SYTL2: variants seen among roughly 807,000 people sequenced by gnomAD.
SYTL2 encodes synaptotagmin like 2.
Under a neutral mutation model 198.7 loss-of-function variants are expected in SYTL2, and 165 were observed. The observed-to-expected ratio is 0.83, with a 90% confidence interval of 0.73 to 0.94. The LOEUF (loss-of-function observed/expected upper bound fraction) is 0.94. SYTL2 is among the 40% of genes least tolerant of loss of function. The pLI is 0.00. For missense variants in SYTL2, 2,835 were observed against 2,582.8 expected, an observed-to-expected ratio of 1.10 and a Z score of -2.12; for synonymous variants, 966 against 917.7, an observed-to-expected ratio of 1.05 and a Z score of -0.95.
intron 2 of SYTL2, among the ~76,000 whole-genome samples, chr11:85,756,251 C>T (rs2091858607): frequency 6.6e-6 from 1 of 152,206 alleles, no homozygotes; most frequent in Admixed American, 6.5e-5. Flanking sequence ...CTGTTTAAGG[C>T]ACACCATTTG....
Position 85,696,206 on chromosome 11 carries a change from C to T in SYTL2, c.6551G>A (p.Gly2184Asp). Residue 2184 changes from glycine to aspartate, a missense_variant, in exon 19 of 20, where the codon GGT becomes GAT. By Grantham distance (94) the Gly-to-Asp change is moderately conservative (BLOSUM62 -1). Coordinates refer to ENST00000359152, the MANE Select transcript of SYTL2 (RefSeq NM_206927.4). ...HYKLTNQFLGGLRIGFGTGKS... is the reference protein window; with the variant it reads ...HYKLTNQFLGDLRIGFGTGKS... ...ACCTGTTCCAAAGCCAATACGAAGACCTCCCAAAAATTGGTTGGTTAATTT... is the reference window on the plus strand; with the variant it reads ...ACCTGTTCCAAAGCCAATACGAAGATCTCCCAAAAATTGGTTGGTTAATTT... 6.2e-7 allele frequency: 1 copy of T among 1,614,108 alleles called. No homozygotes were observed. The highest frequency in any genetic ancestry group is 1.1e-5 in the South Asian group (1 of 91,082).
chr11:85,696,727 A>G (rs926356773), intron 18 of SYTL2, among the ~76,000 whole-genome samples: 1 of 152,236 alleles, frequency 6.6e-6, no homozygotes, highest in Admixed American at 6.5e-5. Flanking sequence ...TTAGAATTAA[A>G]TAACATATGC....
At chr11:85,800,528 C>G (rs1036701329) in intron 1 of SYTL2, among the ~76,000 whole-genome samples, 5 of 152,128 alleles carry the variant, frequency 3.3e-5, no homozygotes, top group African/African-American at 9.7e-5. Flanking sequence ...ATCCTCCCAC[C>G]TCAGCCTCCC....
the SYTL2 span, among the ~76,000 whole-genome samples, chr11:85,847,192 G>GT: frequency 2.0e-5 from 3 of 152,090 alleles, no homozygotes; most frequent in African/African-American, 7.2e-5. Flanking sequence ...ATTCCGGCAA[G>GT]TACTCTCCTG....
the SYTL2 span, among the ~76,000 whole-genome samples, chr11:85,817,997 G>A: frequency 1.4e-5 from 2 of 145,722 alleles, no homozygotes; most frequent in Non-Finnish European, 1.5e-5. Flanking sequence ...TCTACCTCCC[G>A]GATTCAGCGA....
At chr11:85,702,591 G>C (rs2084504226) in intron 16 of SYTL2, among the ~76,000 whole-genome samples, 1 of 152,176 alleles carries the variant, frequency 6.6e-6, no homozygotes, top group Non-Finnish European at 1.5e-5. Flanking sequence ...CCTTAGCCTA[G>C]GAATATAAGC....
intron 12 of SYTL2, among the ~76,000 whole-genome samples, chr11:85,712,378 T>G (rs978461494): frequency 3.3e-5 from 5 of 152,166 alleles, no homozygotes; most frequent in Admixed American, 3.3e-4. Context: ...CATTAGTGAA[T>G]TATTGGAAGG....
intron 6 of SYTL2, among the ~76,000 whole-genome samples, chr11:85,735,848 A>G (rs1591814553): frequency 6.6e-6 from 1 of 152,154 alleles, no homozygotes; most frequent in Non-Finnish European, 1.5e-5. Flanking sequence ...AAACGTGCCC[A>G]GTGGAAAGTA....
At chr11:85,792,510 C>G (rs1410628208) in intron 1 of SYTL2, among the ~76,000 whole-genome samples, 2 of 152,018 alleles carry the variant, frequency 1.3e-5, no homozygotes, top group Non-Finnish European at 1.5e-5. Context: ...TTCAAACAAG[C>G]ACTCCTTGGA....
chr11:85,851,427 T>A, the SYTL2 span, among the ~76,000 whole-genome samples: 2 of 152,244 alleles, frequency 1.3e-5, no homozygotes, highest in East Asian at 3.8e-4. Flanking sequence ...AATAAGACCC[T>A]GCAGTTGTTT....
chr11:85,750,050 GCTT>G (rs2091421749), intron 2 of SYTL2, among the ~76,000 whole-genome samples: 1 of 152,126 alleles, frequency 6.6e-6, no homozygotes, highest in South Asian at 2.1e-4. Flanking sequence ...AGCAGGCTCA[GCTT>G]CTTACAATTC....
chr11:85,759,185 G>A (rs1384714299), intron 1 of SYTL2, among the ~76,000 whole-genome samples: 1 of 150,756 alleles, frequency 6.6e-6, no homozygotes. Context: ...GGCGGAGGTT[G>A]CAGTGAGCCG....
At chr11:85,765,008 C>G (rs1199630678) in intron 1 of SYTL2, among the ~76,000 whole-genome samples, 1 of 152,194 alleles carries the variant, frequency 6.6e-6, no homozygotes, top group Non-Finnish European at 1.5e-5. Flanking sequence ...TATTTTGTTT[C>G]TGTGTGGTCA....
chr11:85,724,286 A>T lies in SYTL2; in HGVS notation c.5072T>A (p.Val1691Asp), dbSNP rs2088801798. Residue 1691 changes from valine to aspartate, a missense_variant, in exon 8 of 20, where the codon GTT becomes GAT. Coordinates refer to ENST00000359152, the MANE Select transcript of SYTL2 (RefSeq NM_206927.4). ...CTGAAGAGTCCCTTGTCCCCCTGCA[A>T]CCCCACTTTCACTGTCCCTGTCCTC... is the stretch of plus-strand genomic sequence containing the variant. ...PPEDRDSESGVAGGQGTLQEP... is the reference protein window; with the variant it reads ...PPEDRDSESGDAGGQGTLQEP... 6.4e-7 allele frequency: 1 copy of T among 1,562,640 alleles called. No individual in the cohort carries two copies. Among genetic ancestry groups the T allele is most frequent in the Admixed American group, 2.0e-5 (1 of 50,068 alleles).
intron 11 of SYTL2, among the ~76,000 whole-genome samples, chr11:85,715,412 A>C (rs1445595445): frequency 6.6e-6 from 1 of 152,146 alleles, no homozygotes; most frequent in African/African-American, 2.4e-5. Context: ...CTAATCTAAT[A>C]AATATCATAT....
intron 4 of SYTL2, among the ~76,000 whole-genome samples, chr11:85,744,674 G>A (rs142828475): frequency 2.0e-5 from 3 of 152,194 alleles, no homozygotes; most frequent in African/African-American, 7.2e-5. Context: ...CTGTTTCCAG[G>A]TGCCTCAGCC....
intron 1 of SYTL2, among the ~76,000 whole-genome samples, chr11:85,764,430 G>T (rs1322398759): frequency 6.6e-6 from 1 of 152,146 alleles, no homozygotes; most frequent in Admixed American, 6.5e-5. Context: ...ACTTGCCTAA[G>T]GCTACTCAAC....
At chr11:85,853,405 G>C in the SYTL2 span, 2 of 423,098 alleles carry the variant, frequency 4.7e-6, no homozygotes, top group Non-Finnish European at 4.7e-6. Flanking sequence ...TCCACTCAGG[G>C]TTAAATGGAT....
intron 1 of SYTL2, among the ~76,000 whole-genome samples, chr11:85,778,701 G>A (rs1418247895): frequency 2.0e-5 from 3 of 152,232 alleles, no homozygotes; most frequent in East Asian, 1.9e-4. Flanking sequence ...AAGGCTGGGC[G>A]TGCAGTGGCT....
Sources: allele counts gnomAD v4.1 joint callset (sites outside exome capture counted in the v4.1 genomes callset), GRCh38; gene constraint gnomAD v4.1.1; transcripts MANE v1.5; gene names NCBI Gene and HGNC (gene_info 2026-07-23, HGNC 2026-07-21).